The following ADD2 variants were observed in gnomAD, a reference collection of about 807,000 sequenced individuals.
ADD2 encodes the protein beta-adducin.
A neutral mutation model predicts 83.0 loss-of-function variants in ADD2; 23 were observed. The observed-to-expected ratio is 0.28, with a 90% CI of 0.20 to 0.39. ADD2 has a LOEUF of 0.39. Among genes scored for constraint, ADD2 ranks in the 10% least tolerant of loss-of-function variants. The pLI, the probability that ADD2 is intolerant of heterozygous loss-of-function variation, is 1.00. For synonymous variants in ADD2, 375 were observed against 375.4 expected, an observed-to-expected ratio of 1.00 and a Z score of 0.01; for missense variants, 758 against 944.9, an observed-to-expected ratio of 0.80 and a Z score of 2.59.
At chr2:70,745,189 G>A (rs577978472) in intron 1 of ADD2, among the ~76,000 whole-genome samples, 2 of 152,278 alleles carry the variant, frequency 1.3e-5, no homozygotes, top group South Asian at 4.2e-4. Flanking sequence ...GGGAAGCTGA[G>A]GCAGGAGAAT....
chr2:70,712,349 C>T (rs1553375598), intron 2 of ADD2, among the ~76,000 whole-genome samples: 1 of 150,562 alleles, frequency 6.6e-6, no homozygotes, highest in African/African-American at 2.5e-5. Context: ...GAGGCTGAGG[C>T]AGGAGAATCG....
chr2:70,736,906 T>G (rs1185266072), intron 1 of ADD2, among the ~76,000 whole-genome samples: 7 of 151,804 alleles, frequency 4.6e-5, no homozygotes, highest in African/African-American at 1.7e-4. Flanking sequence ...CATCAAAAAG[T>G]GGGTGAAGGA....
chr2:70,696,063 G>T (rs1671290778), intron 5 of ADD2, among the ~76,000 whole-genome samples, 182 bp downstream of exon 5: 1 of 152,202 alleles, frequency 6.6e-6, no homozygotes, highest in Admixed American at 6.5e-5. Flanking sequence ...ATCCAAAAAA[G>T]TGCCCACTGG....
intron 1 of ADD2, among the ~76,000 whole-genome samples, chr2:70,719,839 G>A (rs1441428063): frequency 6.6e-6 from 1 of 152,124 alleles, no homozygotes; most frequent in Non-Finnish European, 1.5e-5. Context: ...ATTCAAACAT[G>A]AAACAGTTGA....
At chr2:70,714,547 G>A (rs782270700) in intron 1 of ADD2, among the ~76,000 whole-genome samples, 9 of 152,236 alleles carry the variant, frequency 5.9e-5, no homozygotes, top group African/African-American at 9.6e-5. Flanking sequence ...CAGTCCTGAT[G>A]CTCGCCCATC....
intron 1 of ADD2, chr2:70,760,748 C>T (rs1205515193): frequency 2.0e-5 from 3 of 152,148 alleles, no homozygotes; most frequent in Non-Finnish European, 2.9e-5. Context: ...TTTCACTAAA[C>T]TGCACATTTG....
chr2:70,684,493 C>T (rs1280287682), intron 9 of ADD2, among the ~76,000 whole-genome samples: 1 of 152,220 alleles, frequency 6.6e-6, no homozygotes, highest in Non-Finnish European at 1.5e-5. Flanking sequence ...AAGCAATCTA[C>T]CTGCCTTGGC....
At position 70,733,512 on chromosome 2, in the gene ADD2, G is replaced by A. The variant is rs147963273; in HGVS notation, c.-153-20328C>T. On this transcript the variant is annotated intron_variant, in intron 1 of 15. Coordinates refer to ENST00000264436, the MANE Select transcript of ADD2 (RefSeq NM_001617.4). ...TTGAGCCAACATCAGCTTATCAAGCGCTGAGTTTAATTTCCTCCCAGCAGC... is the reference window on the plus strand; with the variant it reads ...TTGAGCCAACATCAGCTTATCAAGCACTGAGTTTAATTTCCTCCCAGCAGC... 4.2e-4 allele frequency among the ~76,000 whole-genome samples: 64 copies of A among 152,308 alleles called. 1 individual carries two copies. Among genetic ancestry groups the A allele is most frequent in the Admixed American group, 1.1e-3 (17 of 15,294 alleles).
chr2:70,725,984 G>T (rs896995966), intron 1 of ADD2, among the ~76,000 whole-genome samples: 2 of 151,826 alleles, frequency 1.3e-5, no homozygotes, highest in African/African-American at 4.8e-5. Context: ...TCAGGAGATC[G>T]AGACCATCCC....
At chr2:70,684,180 T>A (rs1165396463) in intron 9 of ADD2, among the ~76,000 whole-genome samples, 1 of 152,238 alleles carries the variant, frequency 6.6e-6, no homozygotes. Context: ...ATATGTTTGA[T>A]CTGATTGGTA....
At chr2:70,747,417 T>TGCTCTCCCATCATGCCAC in intron 1 of ADD2, among the ~76,000 whole-genome samples, 1 of 138,678 alleles carries the variant, frequency 7.2e-6, no homozygotes, top group Non-Finnish European at 1.5e-5. Context: ...CATCATGCCA[T>TGCTCTCCCATCATGCCAC]GTGCTCTCCC....
chr2:70,677,302 G>A (rs1553368563), intron 12 of ADD2, among the ~76,000 whole-genome samples: 2 of 152,066 alleles, frequency 1.3e-5, no homozygotes, highest in Admixed American at 1.3e-4. Flanking sequence ...AAGCGCTGTA[G>A]GGTATCCGGG....
At position 70,676,120 on chromosome 2, in the gene ADD2, C is replaced by G. The variant is rs1670125898; in HGVS notation, c.1593+676G>C. 1.0e-6 allele frequency: 1 copy of G among 985,332 alleles called. No homozygotes were observed. The highest frequency in any genetic ancestry group is 1.7e-5 in the African/African-American group (1 of 57,246). 61.0% of individuals were successfully genotyped at this position (985,332 alleles called of 1,614,324 possible). A position where few individuals can be genotyped will look rare whatever the true frequency, so the allele number is the denominator to read the frequency against. On this transcript the variant is annotated intron_variant, in intron 13 of 15. Coordinates refer to ENST00000264436, the MANE Select transcript of ADD2 (RefSeq NM_001617.4). This position sits in a 1 kb window ranked among gnomAD's most constrained non-coding sequence, Gnocchi z 4.8. ...ATTTCCTGTATTTCCCCAATTTTTA[C>G]TGCTAAGGAAAATGTCATGCCCATT... is the stretch of plus-strand genomic sequence containing the variant.
rs572200577 is a variant in ADD2 at position 70,676,822 on chromosome 2, C to T, written c.1567G>A (p.Val523Ile). ...GGGCTTCGGCTCTTCTCGGCAATGACGCTCGCCAGGAGCTGGGACTGAGGC... is the reference window on the plus strand; with the variant it reads ...GGGCTTCGGCTCTTCTCGGCAATGATGCTCGCCAGGAGCTGGGACTGAGGC... The part of the protein sequence containing the change: ...AGPQSQLLAS[V>I]IAEKSRSPST... Residue 523 changes from valine (V) to isoleucine (I), a missense_variant, in exon 13 of 16, where the codon GTC (valine) becomes ATC (isoleucine). This residue lies in a region of ADD2 where 394 missense variants were observed against 509.3 expected (regional missense o/e 0.77). Coordinates refer to ENST00000264436, the MANE Select transcript of ADD2 (RefSeq NM_001617.4). This position sits in a 1 kb window ranked among gnomAD's most constrained non-coding sequence, Gnocchi z 4.8. 73 of 1,614,190 alleles carry T rather than the reference C, an allele frequency of 4.5e-5. No individual in the cohort carries two copies. The highest frequency in any genetic ancestry group is 3.3e-4 in the Middle Eastern group (2 of 6,060).
At chr2:70,671,575 C>T (rs1553367043) in intron 15 of ADD2, among the ~76,000 whole-genome samples, 1 of 152,082 alleles carries the variant, frequency 6.6e-6, no homozygotes, top group Non-Finnish European at 1.5e-5. Context: ...ACTACAGAGA[C>T]AAGTATTCAG....
At chr2:70,675,745 T>C in intron 13 of ADD2, 9 of 985,312 alleles carry the variant, frequency 9.1e-6, no homozygotes, top group Non-Finnish European at 1.1e-5. Context: ...GAGGCCACAG[T>C]AGGCCTAATG....
At chr2:70,713,846 C>T (rs1672328621) in intron 1 of ADD2, among the ~76,000 whole-genome samples, 1 of 152,112 alleles carries the variant, frequency 6.6e-6, no homozygotes, top group Admixed American at 6.5e-5. Flanking sequence ...AAACACTTCA[C>T]TAACAGCTGC....
chr2:70,740,948 C>G (rs1234196737), intron 1 of ADD2, among the ~76,000 whole-genome samples: 1 of 152,208 alleles, frequency 6.6e-6, no homozygotes, highest in African/African-American at 2.4e-5. Flanking sequence ...GATCCACCTG[C>G]CTTCGCCTCC....
In ADD2 at chr2:70,678,921, T is replaced by C. The variant is rs782569274; in HGVS notation, c.1166A>G (p.Gln389Arg). ...TGYTYRHPFVQEKTKHKSEVE... is the reference protein window; with the variant it reads ...TGYTYRHPFVREKTKHKSEVE... ...CTCACTTTTGTGTTTGGTTTTCTCT[T>C]GAACAAAGGGGTGGCGATACGTGTA... The change falls in exon 11 of 16, where the codon CAA becomes CGA. Residue 389 changes from glutamine to arginine, a missense_variant. By Grantham distance (43) the Gln-to-Arg change is conservative. Coordinates refer to ENST00000264436, the MANE Select transcript of ADD2 (RefSeq NM_001617.4). The C allele has an allele frequency of 6.2e-7, 1 of 1,613,940 alleles. No individual in the cohort carries two copies. Among genetic ancestry groups the C allele is most frequent in the Non-Finnish European group, 8.5e-7 (1 of 1,179,990 alleles).
Sources: allele counts gnomAD v4.1 joint callset (sites outside exome capture counted in the v4.1 genomes callset), GRCh38; gene constraint gnomAD v4.1.1; regional missense constraint gnomAD v4.1.1; non-coding constraint Gnocchi (gnomAD v3.1); transcripts MANE v1.5; gene names NCBI Gene and HGNC (gene_info 2026-07-23, HGNC 2026-07-21).